PCDH15: variants seen among roughly 807,000 people sequenced by gnomAD.
PCDH15 encodes the protein protocadherin related 15, also known as protocadherin-15.
PCDH15 carries 129 observed loss-of-function variants against 178.5 expected under a neutral mutation model. The observed-to-expected ratio is 0.72, with a 90% CI of 0.63 to 0.84. The LOEUF is 0.84. PCDH15 is among the 40% of genes least tolerant of loss of function. The pLI is 0.00. For missense variants in PCDH15, 2,230 were observed against 2,099.9 expected, an observed-to-expected ratio of 1.06 and a Z score of -1.21; for synonymous variants, 800 against 732.0, an observed-to-expected ratio of 1.09 and a Z score of -1.50.
chr10:54,478,705 T>A, intron 3 of PCDH15, among the ~76,000 whole-genome samples: 1 of 152,096 alleles, frequency 6.6e-6, no homozygotes, highest in East Asian at 1.9e-4. Flanking sequence ...ACAAGCAATT[T>A]AAAAATAATT....
rs1178728160 is a variant in PCDH15, at chr10:55,495,384, G to A, written c.-156+132241C>T. Among the ~76,000 whole-genome samples the A allele has an allele frequency of 4.0e-5, 6 of 151,578 alleles. No homozygotes were observed. The East Asian group carries it at 9.7e-4, about 25-fold the overall frequency. The stretch of plus-strand genomic sequence containing the variant: ...AAATCTGATAAGGGACTTCTACCCA[G>A]AATTTACAAAGAATTATCAGAACTC... On this transcript the variant is annotated intron_variant, in intron 2 of 5. Transcript: ENST00000613346.
At chr10:54,050,324 C>T (rs1040892084) in intron 18 of PCDH15, among the ~76,000 whole-genome samples, 8 of 152,116 alleles carry the variant, frequency 5.3e-5, no homozygotes, top group African/African-American at 1.4e-4. Flanking sequence ...TCCATTTCAT[C>T]TACATTTTCT....
chr10:53,929,929 C>T (rs2084898592), intron 25 of PCDH15, among the ~76,000 whole-genome samples: 1 of 152,098 alleles, frequency 6.6e-6, no homozygotes, highest in Non-Finnish European at 1.5e-5. Flanking sequence ...TCAATCTGTG[C>T]TGTAAACTTG....
In PCDH15 at chr10:54,769,442, A is replaced by AT. The variant is rs1200421331; in HGVS notation, c.-29+31482dup. Among the ~76,000 whole-genome samples, 695 of 143,382 alleles carry AT rather than the reference A, an allele frequency of 4.8e-3. 2 individuals carry two copies. Among genetic ancestry groups the AT allele is most frequent in the African/African-American group, 8.9e-3 (346 of 38,976 alleles). The allele number at this position is 143,382 out of a possible 152,430, so 94.1% of individuals were successfully genotyped here. A position where few individuals can be genotyped will look rare whatever the true frequency, so the allele number is the denominator to read the frequency against. The stretch of plus-strand genomic sequence containing the variant: ...GGATGTTTCTCAGGAACATCCTGAG[A>AT]TTTTTTTTTTTTTCAAAAATTAGTG... On this transcript the variant is annotated intron_variant, in intron 1 of 37. Transcript: ENST00000644397.
chr10:54,069,238 C>T (rs942208608), intron 17 of PCDH15, among the ~76,000 whole-genome samples: 4 of 152,072 alleles, frequency 2.6e-5, no homozygotes, highest in Non-Finnish European at 5.9e-5. Flanking sequence ...TTGCCTGACC[C>T]CCTTTACACC....
chr10:54,340,124 T>C (rs2583023), intron 6 of PCDH15, among the ~76,000 whole-genome samples: 49,498 of 151,904 alleles, frequency 0.33, 9,093 homozygotes, highest in African/African-American at 0.51. Context: ...GAAGAAGATA[T>C]TTACTAAATT....
chr10:54,882,637 T>C lies in PCDH15; in HGVS notation c.-29+14813A>G, dbSNP rs1564599874. On this transcript the variant is annotated intron_variant, in intron 3 of 5. Transcript: ENST00000458638. ...TATTTCAAAAACTTTCCTTATAATG[T>C]TTTACTTAAAATGAATAATGGATAT... Among the ~76,000 whole-genome samples the C allele has an allele frequency of 2.0e-5, 3 of 152,122 alleles. No individual in the cohort carries two copies. In the East Asian group the frequency reaches 5.8e-4, roughly 29 times the overall value.
Position 54,195,709 on chromosome 10 carries a change from C to T in PCDH15, c.1279G>A (p.Val427Ile). Residue 427 changes from valine to isoleucine, a missense_variant, in exon 11 of 38, where the codon GTA becomes ATA. Val to Ile is a conservative substitution (Grantham distance 29, BLOSUM62 3). Transcript: ENST00000644397. ...TCTTCTATGTCCTTGTCCAGAGCTA[C>T]TATTCTTAAAGGTGAAGTCAAATTG... is the stretch of plus-strand genomic sequence containing the variant. ...SLNLTSPLRI[V>I]ALDKDIEDTK... is the part of the protein sequence containing the mutation. 3 of 1,613,988 alleles carry T rather than the reference C, an allele frequency of 1.9e-6. No homozygotes were observed. The highest frequency in any genetic ancestry group is 2.2e-5 in the South Asian group (2 of 91,076).
chr10:54,468,128 T>C (rs2077652481), intron 3 of PCDH15, among the ~76,000 whole-genome samples: 1 of 151,998 alleles, frequency 6.6e-6, no homozygotes, highest in Non-Finnish European at 1.5e-5. Flanking sequence ...GTTGACCCTT[T>C]GTATTATTAT....
At chr10:55,551,796 C>T (rs975115154) in intron 2 of PCDH15, among the ~76,000 whole-genome samples, 4 of 151,412 alleles carry the variant, frequency 2.6e-5, no homozygotes, top group South Asian at 4.2e-4. Flanking sequence ...GTACATATTG[C>T]GAAATCAAAG....
chr10:54,273,731 G>A (rs551201062), intron 8 of PCDH15, among the ~76,000 whole-genome samples: 1 of 152,172 alleles, frequency 6.6e-6, no homozygotes, highest in South Asian at 2.1e-4. Context: ...CCGGATGGGT[G>A]AACATAAACC....
intron 3 of PCDH15, among the ~76,000 whole-genome samples, chr10:54,809,178 T>C (rs1952824776): frequency 6.6e-6 from 1 of 152,180 alleles, no homozygotes; most frequent in African/African-American, 2.4e-5. Context: ...GCTGTTGGAT[T>C]CTAAAATTGC....
rs560359078 is a variant in PCDH15 at position 53,871,917 on chromosome 10, G to A, written c.3502-5060C>T. Among the ~76,000 whole-genome samples, 7 of 152,028 alleles carry A rather than the reference G, an allele frequency of 4.6e-5. No homozygotes were observed. In the East Asian group the frequency reaches 5.8e-4, roughly 13 times the overall value. ...TACAGGCACTTTGGGAGGCTGAGGC[G>A]GGCGGATCACCTGAGGTCACAAGTT... On this transcript the variant is annotated intron_variant, in intron 26 of 37. Coordinates refer to ENST00000644397, the MANE Select transcript of PCDH15 (RefSeq NM_001384140.1).
intron 2 of PCDH15, among the ~76,000 whole-genome samples, chr10:55,033,310 G>A (rs1395244764): frequency 6.6e-6 from 1 of 152,100 alleles, no homozygotes; most frequent in Non-Finnish European, 1.5e-5. Context: ...AGAGCCACAG[G>A]CACTGAACTC....
chr10:54,895,725 A>G (rs1166134933), intron 3 of PCDH15, among the ~76,000 whole-genome samples: 1 of 152,194 alleles, frequency 6.6e-6, no homozygotes, highest in African/African-American at 2.4e-5. Context: ...ATATTTTGGG[A>G]ACCAAAGAAA....
chr10:54,099,531 T>TATATAA (rs998333562), intron 15 of PCDH15, among the ~76,000 whole-genome samples: 4 of 129,670 alleles, frequency 3.1e-5, no homozygotes, highest in African/African-American at 1.2e-4. Context: ...TATATATATA[T>TATATAA]AAAACAAAAA....
At chr10:54,654,498 T>C (rs972609145) in intron 2 of PCDH15, among the ~76,000 whole-genome samples, 2 of 152,138 alleles carry the variant, frequency 1.3e-5, no homozygotes, top group African/African-American at 2.4e-5. Context: ...ATAGTACTTG[T>C]CTAAGGAAGT....
At chr10:55,538,985 T>C (rs1390710327) in intron 2 of PCDH15, among the ~76,000 whole-genome samples, 18 of 117,154 alleles carry the variant, frequency 1.5e-4, no homozygotes, top group Non-Finnish European at 2.5e-4. Context: ...CTTTCCTTCC[T>C]TCCTTCCTCC....
chr10:55,536,744 A>T (rs1841586562), intron 2 of PCDH15, among the ~76,000 whole-genome samples: 2 of 152,138 alleles, frequency 1.3e-5, no homozygotes, highest in South Asian at 4.1e-4. Flanking sequence ...AAATTTAAGT[A>T]CTTTCTGATG....
Sources: allele counts gnomAD v4.1 joint callset (sites outside exome capture counted in the v4.1 genomes callset), GRCh38; gene constraint gnomAD v4.1.1; transcripts MANE v1.5; gene names NCBI Gene and HGNC (gene_info 2026-07-23, HGNC 2026-07-21).